Variants in TAF1C observed in about 807,000 individuals in gnomAD.
TAF1C encodes the protein TATA-box binding protein associated factor, RNA polymerase I subunit C.
In TAF1C, 79 loss-of-function variants were observed where a neutral mutation model predicts 70.5. That is an observed-to-expected ratio of 1.12 (90% confidence interval 0.93 to 1.35). The LOEUF (loss-of-function observed/expected upper bound fraction) is 1.35. Ranked by LOEUF, TAF1C falls within the 40% of genes most tolerant of loss-of-function variation. The pLI, the probability that TAF1C is intolerant of heterozygous loss-of-function variation, is 0.00. For synonymous variants in TAF1C, 614 were observed against 491.1 expected (o/e 1.25, Z -3.31); for missense variants, 1,412 against 1,127.8 (o/e 1.25, Z -3.61).
chr16:84,185,854 C>G (rs894325005), intron 1 of TAF1C, among the ~76,000 whole-genome samples: 2 of 152,038 alleles, frequency 1.3e-5, no homozygotes, highest in East Asian at 3.9e-4. Flanking sequence ...GAGCTGAGAT[C>G]GCGCCATTGC....
chr16:84,181,551 C>G (rs368652073), intron 10 of TAF1C, 41 bp downstream of exon 10: 9 of 1,613,694 alleles, frequency 5.6e-6, no homozygotes, highest in Non-Finnish European at 5.1e-6. Context: ...GGGCGGAGTT[C>G]AGTTCGTTAG....
Position 84,181,849 on chromosome 16 carries a change from G to A in TAF1C, c.853C>T (p.Arg285Cys), listed in dbSNP as rs201826585. ...TVQGETLLAV[R>C]SDYHCAVWKF... ...CACACGGCACAGTGGTAGTCAGAGC[G>A]GACGGCCAGCAGAGCTGAGGAGGGA... Residue 285 changes from arginine (R) to cysteine (C), a missense_variant, in exon 9 of 15, where the codon CGC (arginine) becomes TGC (cysteine). By Grantham distance (180) the Arg-to-Cys change is radical. Transcript: ENST00000566732. The A allele has an allele frequency of 2.1e-4, 333 of 1,614,164 alleles. No homozygotes were observed. Among genetic ancestry groups the A allele is most frequent in the Non-Finnish European group, 2.6e-4 (311 of 1,180,026 alleles).
chr16:84,181,939 T>TA lies in TAF1C; in HGVS notation c.838+2dup. On this transcript the variant is annotated splice_region_variant and intron_variant, in intron 8 of 14. Transcript: ENST00000566732. The stretch of plus-strand genomic sequence containing the variant: ...GGGAGGAAAGTGTATATAAGGGCCT[T>TA]ACTTTCTCCCTGGACGGTGCATGTC... 6.2e-7 allele frequency: 1 copy of TA among 1,613,968 alleles called. No individual in the cohort carries two copies. Among genetic ancestry groups the TA allele is most frequent in the South Asian group, 1.1e-5 (1 of 91,080 alleles).
chr16:84,179,187 C>T lies in TAF1C; in HGVS notation c.2286G>A (p.Leu762=), dbSNP rs759066871. 33 of 1,590,722 alleles carry T rather than the reference C, an allele frequency of 2.1e-5. No individual in the cohort carries two copies. The highest frequency in any genetic ancestry group is 6.0e-6 in the Non-Finnish European group (7 of 1,174,366). Residue 762 remains leucine, a synonymous_variant, in exon 15 of 15, where the codon CTG becomes CTA. Coordinates refer to ENST00000566732, the MANE Select transcript of TAF1C (RefSeq NM_001243156.2). ...PEWPPADALP[L]PPTTPPSQEL... ...CCTGGGAGGGCGGGGTCGTGGGGGG[C>T]AGGGGCAGAGCATCAGCAGGTGGCC...
intron 2 of TAF1C, among the ~76,000 whole-genome samples, chr16:84,184,598 G>T (rs577484719): frequency 4.6e-5 from 7 of 152,312 alleles, no homozygotes; most frequent in Admixed American, 3.9e-4. Context: ...CTCCGTTCCA[G>T]GAAGGGAGGG....
Position 84,183,402 on chromosome 16 carries a change from C to A in TAF1C, c.318+8G>T, listed in dbSNP as rs759068013. On this transcript the variant is annotated splice_region_variant and intron_variant, in intron 4 of 14. Coordinates refer to ENST00000566732, the MANE Select transcript of TAF1C (RefSeq NM_001243156.2). Reference sequence around the variant, plus strand: ...CTACGCAGCACTGTCCCCCGTGGGCCCACTCACCTGCTCAGTCACATCCAG... The same window carrying A: ...CTACGCAGCACTGTCCCCCGTGGGCACACTCACCTGCTCAGTCACATCCAG... 3 of 1,613,068 alleles carry A rather than the reference C, an allele frequency of 1.9e-6. No individual in the cohort carries two copies. Among genetic ancestry groups the A allele is most frequent in the Non-Finnish European group, 1.7e-6 (2 of 1,179,526 alleles).
Position 84,182,526 on chromosome 16 carries a change from C to G in TAF1C, c.483-86G>C, listed in dbSNP as rs2089263450. On this transcript the variant is annotated intron_variant, in intron 6 of 14. Transcript: ENST00000566732. This position sits in a 1 kb window ranked among gnomAD's most constrained non-coding sequence, Gnocchi z 5.0. ...TCCCAAGGAGGCCAAGTGCAGTGGACACATTTCTTATTTACCTAGAATTTC... is the reference window on the plus strand; with the variant it reads ...TCCCAAGGAGGCCAAGTGCAGTGGAGACATTTCTTATTTACCTAGAATTTC... 1.6e-6 allele frequency: 2 copies of G among 1,240,318 alleles called. No homozygotes were observed. The highest frequency in any genetic ancestry group is 2.2e-6 in the Non-Finnish European group (2 of 904,980). The allele number at this position is 1,240,318 out of a possible 1,614,324, so 76.8% of individuals were successfully genotyped here. A position where few individuals can be genotyped will look rare whatever the true frequency, so the allele number is the denominator to read the frequency against.
chr16:84,181,565 G>T (rs750647507), intron 10 of TAF1C, 27 bp downstream of exon 10: 11 of 1,613,802 alleles, frequency 6.8e-6, no homozygotes, highest in African/African-American at 1.3e-5. Flanking sequence ...TCGTTAGGGT[G>T]GGGGGTTTCA....
intron 12 of TAF1C, 193 bp from the exon 13 acceptor site, chr16:84,180,537 A>G: frequency 1.6e-6 from 1 of 635,584 alleles, no homozygotes; most frequent in Non-Finnish European, 2.6e-6. Context: ...ACCAATTCTG[A>G]CCGACAGTCC....
intron 11 of TAF1C, 32 bp downstream of exon 11, chr16:84,181,296 G>T (rs376080885): frequency 9.3e-6 from 15 of 1,609,816 alleles, no homozygotes; most frequent in Non-Finnish European, 1.3e-5. Context: ...CGCTCCCGCA[G>T]TCGGGGTGGG....
chr16:84,183,280 C>G lies in TAF1C; in HGVS notation c.372G>C (p.Lys124Asn). ...HGDVAFAPLG[K>N]LMLENFKLEG... is the part of the protein sequence containing the mutation. ...CCAGCTTGAAATTCTCCAGCATCAG[C>G]TTCCCCAGGGGCGCAAAGGCTACGT... The change falls in exon 5 of 15, where the codon AAG becomes AAC. Residue 124 changes from lysine (K) to asparagine (N), a missense_variant. Transcript: ENST00000566732. The G allele has an allele frequency of 6.2e-7, 1 of 1,614,030 alleles. No individual in the cohort carries two copies. The highest frequency in any genetic ancestry group is 8.5e-7 in the Non-Finnish European group (1 of 1,180,044).
intron 1 of TAF1C, among the ~76,000 whole-genome samples, chr16:84,186,431 G>C (rs748465863): frequency 6.6e-6 from 1 of 152,172 alleles, no homozygotes; most frequent in Non-Finnish European, 1.5e-5. Flanking sequence ...GTGTACACCT[G>C]TAATCGCAAC....
chr16:84,185,112 A>G (rs973081490), intron 1 of TAF1C, 52 bp from the exon 2 acceptor site: 5 of 1,264,656 alleles, frequency 4.0e-6, no homozygotes, highest in African/African-American at 3.0e-5. Flanking sequence ...GAGGAAGCAG[A>G]TAACAAAAAA....
intron 12 of TAF1C, chr16:84,180,639 C>T (rs2089112450): frequency 4.7e-6 from 3 of 633,558 alleles, no homozygotes; most frequent in Admixed American, 3.9e-5. Context: ...CTCGCAGCCA[C>T]CCCCACTCTC....
Position 84,179,583 on chromosome 16 carries a change from G to A in TAF1C, c.1890C>T (p.Pro630=). Residue 630 remains proline (P), a synonymous_variant, in exon 15 of 15, where the codon CCC becomes CCT. Transcript: ENST00000566732. ...VPLAPPVWTA[P]TFTHRQMLGS... ...CCAGCATCTGGCGGTGGGTGAAGGT[G>A]GGTGCTGTCCACACAGGAGGAGCCA... The A allele has an allele frequency of 6.2e-7, 1 of 1,612,738 alleles. No homozygotes were observed. Among genetic ancestry groups the A allele is most frequent in the Non-Finnish European group, 8.5e-7 (1 of 1,179,924 alleles).
Position 84,183,331 on chromosome 16 carries a change from G to A in TAF1C, c.321C>T (p.Ile107=), listed in dbSNP as rs1420096233. 3 of 1,613,994 alleles carry A rather than the reference G, an allele frequency of 1.9e-6. No individual in the cohort carries two copies. The highest frequency in any genetic ancestry group is 1.7e-5 in the Admixed American group (1 of 60,026). Residue 107 remains isoleucine, a splice_region_variant and synonymous_variant, in exon 5 of 15, where the codon ATC becomes ATT. Coordinates refer to ENST00000566732, the MANE Select transcript of TAF1C (RefSeq NM_001243156.2). ...CTCCATGATCCAAGAGGAACCGGCT[G>A]ATCTGGGGAGAAGAGGAGGCCAGGT... The part of the protein sequence containing the change: ...PRVVLDVTEQ[I]SRFLLDHGDV...
rs574197293 is a variant in TAF1C at position 84,182,371 on chromosome 16, C to T, written c.552G>A (p.Thr184=). Residue 184 remains threonine, a synonymous_variant, in exon 7 of 15, where the codon ACG becomes ACA. Transcript: ENST00000566732. This position sits in a 1 kb window ranked among gnomAD's most constrained non-coding sequence, Gnocchi z 5.0. ...FSILGGPILG[T]SVASHLAELL... ...GCTCTGCCAAGTGGCTCGCCACCGA[C>T]GTGCCCAGGATGGGGCCCCCGAGGA... 54 of 1,609,160 alleles carry T rather than the reference C, an allele frequency of 3.4e-5. 1 individual carries two copies. The South Asian group carries it at 4.1e-4, about 12-fold the overall frequency.
chr16:84,181,147 C>T lies in TAF1C; in HGVS notation c.1204G>A (p.Ala402Thr), dbSNP rs2089159820. The T allele has an allele frequency of 3.7e-6, 6 of 1,611,868 alleles. No homozygotes were observed. The highest frequency in any genetic ancestry group is 3.3e-5 in the Admixed American group (2 of 59,926). Residue 402 changes from alanine (A) to threonine (T), a missense_variant, in exon 12 of 15, where the codon GCA becomes ACA. Physicochemically the swap from Ala to Thr is moderately conservative, Grantham distance 58 (BLOSUM62 0). Transcript: ENST00000566732. ...GCGLLLFRLG[A>T]EASCQKGERV... Reference sequence around the variant, plus strand: ...TCCCCTTTCTGGCACGAAGCCTCTGCCCCCAAACGAAAAAGCAACAGACCA... The same window carrying T: ...TCCCCTTTCTGGCACGAAGCCTCTGTCCCCAAACGAAAAAGCAACAGACCA...
Position 84,180,070 on chromosome 16 carries a change from C to G in TAF1C, c.1497G>C (p.Ser499=). The G allele has an allele frequency of 6.3e-7, 1 of 1,598,784 alleles. No individual in the cohort carries two copies. ...QLLHLAGEGA[S]VPRLAGPPQS... ...GGGGGGGGCCTGCCAGGCGGGGCAC[C>G]GACGCCCCTTCTCCTGAGGAAGGAC... Residue 499 remains serine (S), a synonymous_variant, in exon 14 of 15, where the codon TCG becomes TCC. Transcript: ENST00000566732.
Sources: gnomAD v4.1 joint callset for allele counts (sites outside exome capture counted in the v4.1 genomes callset) on GRCh38, gnomAD v4.1.1 for gene constraint, Gnocchi (gnomAD v3.1) non-coding constraint, MANE v1.5 for transcripts, NCBI Gene and HGNC (gene_info 2026-07-23, HGNC 2026-07-21) for gene names.